Variants in ZZZ3 observed in about 807,000 individuals in gnomAD.
ZZZ3 encodes zinc finger ZZ-type containing 3, also known as ZZ-type zinc finger-containing protein 3.
A neutral mutation model predicts 95.2 loss-of-function variants in ZZZ3; 22 were observed. The observed-to-expected ratio is 0.23, with a 90% CI of 0.17 to 0.33. ZZZ3 has a LOEUF of 0.33. Ranked by LOEUF, ZZZ3 falls within the 10% of genes least tolerant of loss-of-function variation. The pLI is 1.00. For missense variants in ZZZ3, 885 were observed against 1,066.5 expected (o/e 0.83, Z 2.37); for synonymous variants, 335 against 358.9 (o/e 0.93, Z 0.75).
chr1:77,613,516 A>C (rs926039457), intron 5 of ZZZ3, among the ~76,000 whole-genome samples: 1 of 151,838 alleles, frequency 6.6e-6, no homozygotes, highest in African/African-American at 2.4e-5. Flanking sequence ...ATCTATCATT[A>C]AAGAGTTTCT....
chr1:77,676,416 C>T (rs1196392305), intron 1 of ZZZ3, among the ~76,000 whole-genome samples: 1 of 152,218 alleles, frequency 6.6e-6, no homozygotes, highest in Non-Finnish European at 1.5e-5. Flanking sequence ...GATCCTTCCA[C>T]CTCAGCTTCC....
At chr1:77,587,259 T>A (rs953953854) in intron 5 of ZZZ3, among the ~76,000 whole-genome samples, 1 of 19,004 alleles carries the variant, frequency 5.3e-5, no homozygotes, top group East Asian at 2.8e-3. Context: ...ACTTTGACCC[T>A]TTTTTTTTTT....
chr1:77,568,224 A>C lies in ZZZ3; in HGVS notation c.2466+108T>G, dbSNP rs1159720461. Reference sequence around the variant, plus strand: ...AACCCGGGAGGCAGAGGTTGCAGTAAGCTGAGATCACGCCACTGCACTCCA... The same window carrying C: ...AACCCGGGAGGCAGAGGTTGCAGTACGCTGAGATCACGCCACTGCACTCCA... On this transcript the variant is annotated intron_variant, in intron 13 of 14. Coordinates refer to ENST00000370801, the MANE Select transcript of ZZZ3 (RefSeq NM_015534.6). 46 of 890,230 alleles carry C rather than the reference A, an allele frequency of 5.2e-5. No homozygotes were observed. The East Asian group carries it at 7.0e-4, about 14-fold the overall frequency. The allele number at this position is 890,230 out of a possible 1,614,324, so 55.1% of individuals were successfully genotyped here.
chr1:77,577,001 A>C (rs982707647), intron 11 of ZZZ3, among the ~76,000 whole-genome samples: 5 of 152,214 alleles, frequency 3.3e-5, no homozygotes, highest in African/African-American at 4.8e-5. Flanking sequence ...TTTCTTGTTC[A>C]GTGTGTTGCA....
intron 6 of ZZZ3, among the ~76,000 whole-genome samples, chr1:77,582,670 C>T (rs375793807): frequency 2.4e-4 from 34 of 143,366 alleles, no homozygotes; most frequent in Middle Eastern, 7.4e-3. Flanking sequence ...TAATTTTTTT[C>T]TTTTTTTTTT....
At chr1:77,648,348 CAAAA>C (rs774444208) in intron 1 of ZZZ3, among the ~76,000 whole-genome samples, 1 of 52,952 alleles carries the variant, frequency 1.9e-5, no homozygotes, top group Non-Finnish European at 3.9e-5. Flanking sequence ...AATCTTGCCT[CAAAA>C]AAAAAAAAAA....
intron 9 of ZZZ3, chr1:77,579,911 A>T (rs1472364540): frequency 5.4e-6 from 1 of 184,364 alleles, no homozygotes; most frequent in African/African-American, 2.4e-5. Flanking sequence ...TAAGTAAACA[A>T]ATTGGTAGAT....
chr1:77,572,083 T>C lies in ZZZ3; in HGVS notation c.2332-3617A>G, dbSNP rs541662878. Reference sequence around the variant, plus strand: ...CGGGTAAATAACATGTAAGTAAGTGTTCTATCTATTGCTTTTTGAAAAGAG... The same window carrying C: ...CGGGTAAATAACATGTAAGTAAGTGCTCTATCTATTGCTTTTTGAAAAGAG... On this transcript the variant is annotated intron_variant, in intron 12 of 14. Transcript: ENST00000370801. 3.3e-5 allele frequency among the ~76,000 whole-genome samples: 5 copies of C among 152,330 alleles called. 1 individual carries two copies. Among genetic ancestry groups the C allele is most frequent in the African/African-American group, 9.6e-5 (4 of 41,570 alleles).
At chr1:77,572,533 T>A (rs1661500797) in intron 12 of ZZZ3, among the ~76,000 whole-genome samples, 1 of 151,630 alleles carries the variant, frequency 6.6e-6, no homozygotes, top group South Asian at 2.1e-4. Context: ...AGAGACGGGG[T>A]TTCACCATAT....
chr1:77,624,413 G>A (rs1467471068), intron 5 of ZZZ3, among the ~76,000 whole-genome samples: 1 of 152,132 alleles, frequency 6.6e-6, no homozygotes, highest in Non-Finnish European at 1.5e-5. Flanking sequence ...GTGTGCTCTG[G>A]GGAGGTTAGA....
At chr1:77,567,617 A>G (rs1317558708) in intron 13 of ZZZ3, among the ~76,000 whole-genome samples, 3 of 152,214 alleles carry the variant, frequency 2.0e-5, no homozygotes, top group Non-Finnish European at 4.4e-5. Flanking sequence ...AGCCACGCTC[A>G]ACTATTTTGT....
chr1:77,606,757 CA>C (rs1248598612), intron 5 of ZZZ3, among the ~76,000 whole-genome samples: 13 of 152,344 alleles, frequency 8.5e-5, no homozygotes, highest in Admixed American at 8.5e-4. Context: ...GTAAGAACTA[CA>C]ATGTTACTGG....
At chr1:77,598,252 T>G (rs977234911) in intron 5 of ZZZ3, among the ~76,000 whole-genome samples, 1 of 152,130 alleles carries the variant, frequency 6.6e-6, no homozygotes, top group Admixed American at 6.5e-5. Flanking sequence ...TAAAGTAAGC[T>G]AGAGAACAGA....
chr1:77,606,275 G>T (rs1557719491), intron 5 of ZZZ3, among the ~76,000 whole-genome samples: 1 of 152,230 alleles, frequency 6.6e-6, no homozygotes, highest in African/African-American at 2.4e-5. Context: ...GCAGGGAAAG[G>T]TGGGAAGCAC....
chr1:77,651,823 T>C (rs1231345235), intron 1 of ZZZ3, among the ~76,000 whole-genome samples: 14 of 151,880 alleles, frequency 9.2e-5, no homozygotes, highest in Admixed American at 9.2e-4. Context: ...AGAGAACATC[T>C]TGGCCAACAT....
At chr1:77,573,507 C>G (rs1357511673) in intron 12 of ZZZ3, among the ~76,000 whole-genome samples, 1 of 152,148 alleles carries the variant, frequency 6.6e-6, no homozygotes, top group East Asian at 1.9e-4. Context: ...GCACAAAGAT[C>G]AGACATATTT....
intron 1 of ZZZ3, among the ~76,000 whole-genome samples, chr1:77,652,987 G>C (rs571283335): frequency 2.0e-5 from 3 of 152,246 alleles, no homozygotes; most frequent in Non-Finnish European, 4.4e-5. Flanking sequence ...AGGAGTTCGA[G>C]ACCATCTTGG....
intron 1 of ZZZ3, among the ~76,000 whole-genome samples, chr1:77,669,656 C>T (rs1442100426): frequency 6.6e-6 from 1 of 151,888 alleles, no homozygotes; most frequent in East Asian, 1.9e-4. Flanking sequence ...GGGGGTTTGT[C>T]CATGTTGGCC....
chr1:77,601,253 C>T (rs1012063546), intron 5 of ZZZ3, among the ~76,000 whole-genome samples: 6 of 152,134 alleles, frequency 3.9e-5, no homozygotes, highest in African/African-American at 1.2e-4. Flanking sequence ...AAACCGACTA[C>T]TAATGAAGAA....
Sources: allele counts gnomAD v4.1 joint callset (sites outside exome capture counted in the v4.1 genomes callset), GRCh38; gene constraint gnomAD v4.1.1; transcripts MANE v1.5; gene names NCBI Gene and HGNC (gene_info 2026-07-23, HGNC 2026-07-21).